XYLB: variants seen among roughly 807,000 people sequenced by gnomAD.
XYLB encodes xylulose kinase.
A neutral mutation model predicts 78.7 loss-of-function variants in XYLB; 62 were observed. The ratio of observed to expected loss-of-function variants is 0.79; its 90% CI spans 0.64 to 0.97. The LOEUF (loss-of-function observed/expected upper bound fraction) is 0.97. XYLB is among the 50% of genes least tolerant of loss of function. The pLI is 0.00. For missense variants in XYLB, 687 were observed against 676.8 expected (o/e 1.02, Z -0.17); for synonymous variants, 245 against 247.4 (o/e 0.99, Z 0.09).
At chr3:38,371,385 T>A (rs868711159) in intron 9 of XYLB, among the ~76,000 whole-genome samples, 1 of 152,222 alleles carries the variant, frequency 6.6e-6, no homozygotes, top group African/African-American at 2.4e-5. Flanking sequence ...GCCATTCTCC[T>A]GCCTCAGCCT....
At chr3:38,347,423 A>G (rs1459381022) in intron 1 of XYLB, among the ~76,000 whole-genome samples, 3 of 152,208 alleles carry the variant, frequency 2.0e-5, no homozygotes, top group African/African-American at 7.2e-5. Context: ...CTTGCCGGTA[A>G]TCCCAGCACT....
chr3:38,391,488 A>T (rs1474913355), intron 15 of XYLB, among the ~76,000 whole-genome samples: 1 of 152,088 alleles, frequency 6.6e-6, no homozygotes, highest in Non-Finnish European at 1.5e-5. Context: ...GCTGCTTTAG[A>T]TCAACGTCAT....
At position 38,405,102 on chromosome 3, in the gene XYLB, C is replaced by T. The variant is rs1010209527; in HGVS notation, c.1533+4117C>T. Among the ~76,000 whole-genome samples, 5 of 151,856 alleles carry T rather than the reference C, an allele frequency of 3.3e-5. No homozygotes were observed. In the East Asian group the frequency reaches 9.6e-4, roughly 29 times the overall value. ...TTTTTGGTCTTTTTTCTCTGTTGGG[C>T]TTTTTGTTTATTTATTTTGGCTTAT... On this transcript the variant is annotated intron_variant, in intron 18 of 18. Coordinates refer to ENST00000207870, the MANE Select transcript of XYLB (RefSeq NM_005108.4).
chr3:38,404,543 G>A (rs1009007270), intron 18 of XYLB, among the ~76,000 whole-genome samples: 7 of 152,332 alleles, frequency 4.6e-5, no homozygotes, highest in East Asian at 3.9e-4. Context: ...CCAGCTGGGC[G>A]TGGTGACTCA....
chr3:38,365,074 A>T, intron 4 of XYLB, 125 bp from the exon 5 acceptor site: 1 of 774,616 alleles, frequency 1.3e-6, no homozygotes, highest in Non-Finnish European at 2.2e-6. Context: ...CTCTGTGACT[A>T]AGAAGTGGCA....
chr3:38,411,626 A>G (rs945152097), intron 18 of XYLB, among the ~76,000 whole-genome samples: 9 of 151,824 alleles, frequency 5.9e-5, no homozygotes, highest in Non-Finnish European at 1.0e-4. Flanking sequence ...ATTATAATTA[A>G]GTCTTCTTAG....
intron 18 of XYLB, among the ~76,000 whole-genome samples, chr3:38,410,564 C>G (rs556395665): frequency 4.6e-5 from 7 of 152,308 alleles, no homozygotes; most frequent in Non-Finnish European, 8.8e-5. Flanking sequence ...AGCTTCTGCA[C>G]AGCAAACGAA....
chr3:38,365,326 A>G, intron 5 of XYLB, 41 bp downstream of exon 5: 1 of 1,597,160 alleles, frequency 6.3e-7, no homozygotes, highest in Non-Finnish European at 8.6e-7. Flanking sequence ...AAACTTCTGC[A>G]GAGTCCCAAG....
downstream of XYLB, among the ~76,000 whole-genome samples, chr3:38,416,155 CTATA>C (rs1708786754): frequency 6.6e-6 from 1 of 151,934 alleles, no homozygotes; most frequent in East Asian, 1.9e-4. Context: ...TAGTATCAAA[CTATA>C]TATGCTTTGA....
chr3:38,370,294 C>T (rs1186225637), intron 9 of XYLB, 120 bp downstream of exon 9: 4 of 715,540 alleles, frequency 5.6e-6, no homozygotes, highest in Admixed American at 2.3e-5. Context: ...TTTGTTCACT[C>T]ACCCACAGGC....
At chr3:38,384,153 G>A (rs967787876) in intron 15 of XYLB, among the ~76,000 whole-genome samples, 13 of 152,006 alleles carry the variant, frequency 8.6e-5, no homozygotes, top group South Asian at 4.2e-4. Context: ...TACAACCTCC[G>A]CCTCCCGGGT....
At chr3:38,421,296 C>A, downstream of XYLB, 1 of 152,462 alleles carries the variant, frequency 6.6e-6, no homozygotes, top group South Asian at 2.0e-4. Context: ...GTCGAATAGT[C>A]GCCAGAGCGA....
chr3:38,422,885 T>C (rs772070747), downstream of XYLB, among the ~76,000 whole-genome samples: 13 of 152,136 alleles, frequency 8.5e-5, no homozygotes, highest in African/African-American at 1.2e-4. Flanking sequence ...TCATTTTTGA[T>C]GGCGGCCATT....
At chr3:38,428,462 T>C in the XYLB span, among the ~76,000 whole-genome samples, 18 of 152,346 alleles carry the variant, frequency 1.2e-4, no homozygotes, top group African/African-American at 4.3e-4. Context: ...TTTTTCCTTT[T>C]AGTTTTTTCC....
Position 38,413,248 on chromosome 3 carries a change from G to A in XYLB, c.*235G>A. 2.3e-6 allele frequency: 1 copy of A among 433,972 alleles called. No individual in the cohort carries two copies. The highest frequency in any genetic ancestry group is 4.0e-6 in the Non-Finnish European group (1 of 249,974). 26.9% of individuals were successfully genotyped at this position (433,972 alleles called of 1,614,324 possible). On this transcript the variant is annotated 3_prime_UTR_variant, in exon 19 of 19. Transcript: ENST00000207870. ...GGCAGGAAAGCATCTCTCTTTTCCT[G>A]TCTTTTATCCCAGGAGGCAGGACAA...
Position 38,376,222 on chromosome 3 carries a change from T to C in XYLB, c.1110T>C (p.Gly370=), listed in dbSNP as rs150775220. The C allele has an allele frequency of 2.5e-4, 401 of 1,611,286 alleles. 6 individuals are homozygous for C. In the East Asian group the frequency reaches 7.0e-3, roughly 28 times the overall value. ...KALQSTEMGN[G]GNLGFYFDVM... The stretch of plus-strand genomic sequence containing the variant: ...TGCAGTCCACAGAGATGGGCAACGG[T>C]GGAAACCTGGGTAGGCCAGTTGGTG... Residue 370 remains glycine (G), a synonymous_variant, in exon 13 of 19, where the codon GGT becomes GGC. Transcript: ENST00000207870.
Position 38,413,064 on chromosome 3 carries a change from C to T in XYLB, c.*51C>T, listed in dbSNP as rs752324615. On this transcript the variant is annotated 3_prime_UTR_variant, in exon 19 of 19. Transcript: ENST00000207870. ...GCCCAGATTTACTGACCCCATTTGT[C>T]GACATGGCCCCAGACAGGAGGGATC... 25 of 1,528,310 alleles carry T rather than the reference C, an allele frequency of 1.6e-5. No individual in the cohort carries two copies. Among genetic ancestry groups the T allele is most frequent in the Middle Eastern group, 3.4e-4 (2 of 5,814 alleles). The allele number at this position is 1,528,310 out of a possible 1,614,324, so 94.7% of individuals were successfully genotyped here.
chr3:38,353,668 C>G (rs915981609), intron 2 of XYLB, among the ~76,000 whole-genome samples: 6 of 151,932 alleles, frequency 3.9e-5, no homozygotes, highest in African/African-American at 1.5e-4. Context: ...GGGCGGATTA[C>G]CTGAGGTCAG....
chr3:38,419,985 A>C (rs188841202), downstream of XYLB, among the ~76,000 whole-genome samples: 1,069 of 151,832 alleles, frequency 7.0e-3, 11 homozygotes, highest in Non-Finnish European at 8.0e-3. Context: ...ATGCCCAGCT[A>C]ATTTTTGTAT....
Sources: gnomAD v4.1 joint callset for allele counts (sites outside exome capture counted in the v4.1 genomes callset) on GRCh38, gnomAD v4.1.1 for gene constraint, MANE v1.5 for transcripts, NCBI Gene and HGNC (gene_info 2026-07-23, HGNC 2026-07-21) for gene names.